The following PNLIPRP1 variants were observed in gnomAD, a reference collection of about 807,000 sequenced individuals.
The protein encoded by PNLIPRP1 is inactive pancreatic lipase-related protein 1.
In PNLIPRP1, 57 loss-of-function variants were observed where a neutral mutation model predicts 54.6. That is an observed-to-expected ratio of 1.04 (90% CI 0.84 to 1.30). The LOEUF is 1.30. Ranked by LOEUF, PNLIPRP1 falls within the 50% of genes most tolerant of loss-of-function variation. The probability of loss-of-function intolerance (pLI) is 0.00; values close to 1 mark genes in which losing one functional copy is unlikely to be tolerated. For synonymous variants in PNLIPRP1, 232 were observed against 208.8 expected, an observed-to-expected ratio of 1.11 and a Z score of -0.96; for missense variants, 567 against 568.5, an observed-to-expected ratio of 1.00 and a Z score of 0.03.
intron 12 of PNLIPRP1, among the ~76,000 whole-genome samples, chr10:116,608,673 G>A (rs569051744): frequency 5.9e-5 from 9 of 152,368 alleles, no homozygotes; most frequent in African/African-American, 2.2e-4. Flanking sequence ...GGCTCAGGGC[G>A]TGTTGGCCGC....
rs533995781 is a variant in PNLIPRP1, at chr10:116,597,896, G to A, written c.643G>A (p.Asp215Asn). 1 of 1,614,214 alleles carries A rather than the reference G, an allele frequency of 6.2e-7. No individual in the cohort carries two copies. Among genetic ancestry groups the A allele is most frequent in the East Asian group, 2.2e-5 (1 of 44,890 alleles). ...GGTGCGACTTGATCCCTCTGATGCT[G>A]ACTTTGTTGATGTGATTCACACGGA... The part of the protein sequence containing the change: ...EEVRLDPSDA[D>N]FVDVIHTDAA... Residue 215 changes from aspartate to asparagine, a missense_variant, in exon 7 of 13, where the codon GAC (aspartate) becomes AAC (asparagine). Asp to Asn is a conservative substitution (Grantham distance 23). Coordinates refer to ENST00000358834, the MANE Select transcript of PNLIPRP1 (RefSeq NM_006229.4).
chr10:116,592,337 G>A (rs1847653502), intron 3 of PNLIPRP1, 79 bp from the exon 4 acceptor site: 4 of 1,479,674 alleles, frequency 2.7e-6, no homozygotes, highest in Middle Eastern at 2.3e-4. Flanking sequence ...AGAGGCATTG[G>A]CGCAGGCGGA....
At chr10:116,608,996 A>C (rs1554865944) in intron 12 of PNLIPRP1, 57 bp from the exon 13 acceptor site, 1 of 1,274,180 alleles carries the variant, frequency 7.8e-7, no homozygotes, top group East Asian at 2.3e-5. Context: ...ACAAAACAAA[A>C]CACCTGGCTT....
At chr10:116,592,817 TTGTATCCTATAAGCGAGGGACTA>T in intron 4 of PNLIPRP1, 1 of 467,876 alleles carries the variant, frequency 2.1e-6, no homozygotes, top group South Asian at 1.9e-5. Flanking sequence ...TGAGGGTACT[TTGTATCCTATAAGCGAGGGACTA>T]TAGGGGTTTC....
intron 10 of PNLIPRP1, 129 bp downstream of exon 10, chr10:116,601,330 C>A: frequency 1.2e-6 from 1 of 832,636 alleles, no homozygotes; most frequent in Non-Finnish European, 1.9e-6. Flanking sequence ...ACACATTTAC[C>A]GAAACTATTG....
chr10:116,592,770 T>G (rs558839279), intron 4 of PNLIPRP1: 1 of 600,846 alleles, frequency 1.7e-6, no homozygotes, highest in Admixed American at 2.2e-5. Flanking sequence ...AATTTCTGGT[T>G]AAACCAAGGC....
chr10:116,597,238 T>C (rs1847752483), intron 6 of PNLIPRP1, among the ~76,000 whole-genome samples: 1 of 152,228 alleles, frequency 6.6e-6, no homozygotes, highest in Non-Finnish European at 1.5e-5. Flanking sequence ...ATATCTTACT[T>C]ATACACCCAT....
intron 8 of PNLIPRP1, among the ~76,000 whole-genome samples, chr10:116,599,763 CAT>C (rs782289863): frequency 3.3e-5 from 5 of 152,120 alleles, no homozygotes; most frequent in Non-Finnish European, 7.3e-5. Context: ...CTTTCTGTAA[CAT>C]AGGAATGAGA....
At chr10:116,602,422 C>T (rs782497919) in intron 10 of PNLIPRP1, among the ~76,000 whole-genome samples, 4 of 152,208 alleles carry the variant, frequency 2.6e-5, no homozygotes, top group Non-Finnish European at 5.9e-5. Context: ...AAATTAAACA[C>T]TCAAAAACCA....
chr10:116,609,044 T>C lies in PNLIPRP1; in HGVS notation c.1341-9T>C. ...CCCAAACTCTTACAAAGCTTCCTTTTCTCCCCAGGTACAACTTCTGTAGCG... is the reference window on the plus strand; with the variant it reads ...CCCAAACTCTTACAAAGCTTCCTTTCCTCCCCAGGTACAACTTCTGTAGCG... On this transcript the variant is annotated splice_polypyrimidine_tract_variant and intron_variant, in intron 12 of 12. Coordinates refer to ENST00000358834, the MANE Select transcript of PNLIPRP1 (RefSeq NM_006229.4). The C allele has an allele frequency of 6.2e-7, 1 of 1,607,124 alleles. No homozygotes were observed.
rs146433396 is a variant in PNLIPRP1, at chr10:116,607,597, G to A, written c.1341-1456G>A. ...GGGCCCAAGTGCAGGGAATATGATC[G>A]GAGGCCTCCGATGCCAAGTTAGGGC... On this transcript the variant is annotated intron_variant, in intron 12 of 12. Transcript: ENST00000358834. 2.0e-4 allele frequency among the ~76,000 whole-genome samples: 30 copies of A among 152,142 alleles called. No individual in the cohort carries two copies. In the East Asian group the frequency reaches 4.5e-3, roughly 23 times the overall value.
At chr10:116,594,180 C>T in intron 4 of PNLIPRP1, 1 of 373,528 alleles carries the variant, frequency 2.7e-6, no homozygotes, top group Non-Finnish European at 5.2e-6. Context: ...TCCAGGAAGA[C>T]ATTTTCCTTC....
intron 8 of PNLIPRP1, among the ~76,000 whole-genome samples, chr10:116,599,630 G>A (rs1238473205): frequency 1.3e-5 from 2 of 152,184 alleles, no homozygotes; most frequent in Non-Finnish European, 2.9e-5. Flanking sequence ...CCAGCATGGT[G>A]CCTGGGACAT....
intron 11 of PNLIPRP1, 63 bp from the exon 12 acceptor site, chr10:116,605,323 G>T: frequency 1.2e-6 from 1 of 842,984 alleles, no homozygotes; most frequent in Non-Finnish European, 1.8e-6. Flanking sequence ...CAGCAGCCTG[G>T]CATTGTATGG....
chr10:116,592,445 T>A lies in PNLIPRP1; in HGVS notation c.234T>A (p.Ile78=), dbSNP rs782049777. The part of the protein sequence containing the change: ...QILLLSDPST[I]EASNFQMDRK... The stretch of plus-strand genomic sequence containing the variant: ...TCCTCCTCTCTGATCCATCAACAAT[T>A]GAGGCATCAAATTTTCAAATGGACA... Residue 78 remains isoleucine, a synonymous_variant, in exon 4 of 13, where the codon ATT becomes ATA. Transcript: ENST00000358834. The A allele has an allele frequency of 8.5e-5, 137 of 1,612,694 alleles. No individual in the cohort carries two copies. The highest frequency in any genetic ancestry group is 1.1e-4 in the Non-Finnish European group (133 of 1,179,096).
chr10:116,609,017 G>T, intron 12 of PNLIPRP1, 36 bp from the exon 13 acceptor site: 1 of 1,523,260 alleles, frequency 6.6e-7, no homozygotes, highest in South Asian at 1.1e-5. Flanking sequence ...TTGCTAAGGT[G>T]ACCCAAACTC....
rs782108929 is a variant in PNLIPRP1, at chr10:116,596,231, C to T, written c.483C>T (p.Pro161=). Residue 161 remains proline (P), a synonymous_variant, in exon 6 of 13, where the codon CCC becomes CCT. Coordinates refer to ENST00000358834, the MANE Select transcript of PNLIPRP1 (RefSeq NM_006229.4). Reference sequence around the variant, plus strand: ...CTCTCCAGACAGAGTATAGCTACCCCCCTTCCAAAGTTCACCTCATTGGCC... The same window carrying T: ...CTCTCCAGACAGAGTATAGCTACCCTCCTTCCAAAGTTCACCTCATTGGCC... The part of the protein sequence containing the change: ...LDILLTEYSY[P]PSKVHLIGHS... The T allele has an allele frequency of 6.2e-7, 1 of 1,612,200 alleles. No homozygotes were observed. Among genetic ancestry groups the T allele is most frequent in the South Asian group, 1.1e-5 (1 of 91,000 alleles).
rs1847771198 is a variant in PNLIPRP1 at position 116,598,174 on chromosome 10, C to T, written c.814+8C>T. Reference sequence around the variant, plus strand: ...TAGATGGCATCTGGGCGGGTAAAGTCATGGTGGGGTGAGGGGAGCAGGGCG... The same window carrying T: ...TAGATGGCATCTGGGCGGGTAAAGTTATGGTGGGGTGAGGGGAGCAGGGCG... On this transcript the variant is annotated splice_region_variant and intron_variant, in intron 8 of 12. Transcript: ENST00000358834. The T allele has an allele frequency of 6.2e-7, 1 of 1,611,954 alleles. No homozygotes were observed. Among genetic ancestry groups the T allele is most frequent in the Non-Finnish European group, 8.5e-7 (1 of 1,179,144 alleles).
chr10:116,596,363 AC>A, intron 6 of PNLIPRP1, 41 bp downstream of exon 6: 1 of 1,232,444 alleles, frequency 8.1e-7, no homozygotes, highest in Non-Finnish European at 1.2e-6. Context: ...GTCCCCAGAA[AC>A]CCCAGAATGA....
Sources: allele counts gnomAD v4.1 joint callset (sites outside exome capture counted in the v4.1 genomes callset), GRCh38; gene constraint gnomAD v4.1.1; transcripts MANE v1.5; gene names NCBI Gene and HGNC (gene_info 2026-07-23, HGNC 2026-07-21).